Variants in SSBP3 observed in about 807,000 individuals in gnomAD.
SSBP3 encodes the protein single stranded DNA binding protein 3.
SSBP3 carries 5 observed loss-of-function variants against 69.6 expected under a neutral mutation model. That is an observed-to-expected ratio of 0.07 (90% CI 0.04 to 0.15). SSBP3 has a LOEUF of 0.15. Among genes scored for constraint, SSBP3 ranks in the 10% least tolerant of loss-of-function variants. SSBP3 has a pLI of 1.00. For synonymous variants in SSBP3, 196 were observed against 193.4 expected (o/e 1.01, Z -0.11); for missense variants, 312 against 534.0 (o/e 0.58, Z 4.10).
chr1:54,269,434 G>A (rs1014566514), intron 5 of SSBP3, among the ~76,000 whole-genome samples: 28 of 152,168 alleles, frequency 1.8e-4, no homozygotes, highest in African/African-American at 6.8e-4. Context: ...GGGACACTAT[G>A]GTCCAGGAAG....
chr1:54,377,013 A>G (rs1296631254), intron 4 of SSBP3, among the ~76,000 whole-genome samples: 3 of 152,218 alleles, frequency 2.0e-5, no homozygotes, highest in African/African-American at 7.2e-5. Context: ...AAGCTTTTCT[A>G]CAGAATGAGA....
chr1:54,317,532 CA>C (rs375615499), intron 4 of SSBP3, among the ~76,000 whole-genome samples: 2,675 of 123,536 alleles, frequency 0.022, 69 homozygotes, highest in African/African-American at 0.072. Flanking sequence ...GCGAGACTCT[CA>C]AAAAAAAAAA....
intron 5 of SSBP3, among the ~76,000 whole-genome samples, chr1:54,277,421 C>T (rs939603392): frequency 1.1e-4 from 17 of 152,176 alleles, no homozygotes; most frequent in African/African-American, 4.1e-4. Flanking sequence ...CCTGCTTCCG[C>T]CATCCAATCA....
chr1:54,234,669 G>A (rs1357166641), intron 14 of SSBP3, among the ~76,000 whole-genome samples: 3 of 151,962 alleles, frequency 2.0e-5, no homozygotes, highest in Non-Finnish European at 4.4e-5. Context: ...GTTTCTTTCT[G>A]CCCTAGGATA....
intron 4 of SSBP3, among the ~76,000 whole-genome samples, chr1:54,302,054 TGGGGGG>T (rs554889180): frequency 1.4e-5 from 2 of 144,618 alleles, no homozygotes; most frequent in African/African-American, 5.0e-5. Flanking sequence ...TGGGTGGGGG[TGGGGGG>T]GTACCCCCAT....
intron 5 of SSBP3, among the ~76,000 whole-genome samples, chr1:54,264,685 G>A (rs772797320): frequency 2.6e-5 from 4 of 152,204 alleles, no homozygotes; most frequent in Non-Finnish European, 5.9e-5. Context: ...CACGGGTCAC[G>A]AAAGCTGTGA....
upstream of SSBP3, among the ~76,000 whole-genome samples, chr1:54,406,913 A>G (rs1191911083): frequency 7.1e-6 from 1 of 141,782 alleles, no homozygotes; most frequent in Non-Finnish European, 1.5e-5. Flanking sequence ...TCCTCCCCCT[A>G]GGCTCCGACC....
At chr1:54,357,890 C>T (rs2100615811) in intron 4 of SSBP3, among the ~76,000 whole-genome samples, 1 of 152,312 alleles carries the variant, frequency 6.6e-6, no homozygotes, top group Non-Finnish European at 1.5e-5. Flanking sequence ...TTCCAGAGGA[C>T]CCATCAAAGG....
At chr1:54,312,942 G>T (rs1646029762) in intron 4 of SSBP3, among the ~76,000 whole-genome samples, 2 of 152,150 alleles carry the variant, frequency 1.3e-5, no homozygotes, top group South Asian at 4.1e-4. Context: ...AGGCCAGGAG[G>T]GGGTGGGATG....
intron 4 of SSBP3, among the ~76,000 whole-genome samples, chr1:54,315,548 C>G (rs1557523734): frequency 6.6e-6 from 1 of 151,624 alleles, no homozygotes; most frequent in East Asian, 1.9e-4. Context: ...GTTAGAGTAC[C>G]CATTTATCTA....
At chr1:54,357,940 T>C (rs536867019) in intron 4 of SSBP3, among the ~76,000 whole-genome samples, 1 of 152,110 alleles carries the variant, frequency 6.6e-6, no homozygotes, top group African/African-American at 2.4e-5. Flanking sequence ...AAACAGCACT[T>C]CCACACCTAC....
At chr1:54,262,411 A>G (rs1418797312) in intron 5 of SSBP3, among the ~76,000 whole-genome samples, 1 of 152,176 alleles carries the variant, frequency 6.6e-6, no homozygotes, top group Non-Finnish European at 1.5e-5. Context: ...GTCATCTGTC[A>G]GGGCAGAAAG....
chr1:54,227,235 C>T (rs1222650557), intron 17 of SSBP3, 75 bp from the exon 18 acceptor site: 1 of 871,264 alleles, frequency 1.1e-6, no homozygotes, highest in Non-Finnish European at 2.0e-6. Flanking sequence ...GTGCCAAGAG[C>T]CTGGGGTGAC....
intron 4 of SSBP3, among the ~76,000 whole-genome samples, chr1:54,369,168 G>A (rs902010214): frequency 1.4e-5 from 2 of 147,750 alleles, no homozygotes; most frequent in African/African-American, 5.1e-5. Flanking sequence ...AACTGCGACC[G>A]TTGATTTTCT....
chr1:54,401,542 T>C (rs940626070), intron 4 of SSBP3, among the ~76,000 whole-genome samples: 8 of 152,244 alleles, frequency 5.3e-5, no homozygotes, highest in Non-Finnish European at 1.2e-4. Context: ...TAAAGAGGCT[T>C]AGTCCCCTCT....
chr1:54,359,366 G>A lies in SSBP3; in HGVS notation c.276+42495C>T, dbSNP rs374293207. ...CATCACTGAAGGTAAAGCAGAGGCT[G>A]CAGAAGAAACCAGGGCCAGGGAGAC... On this transcript the variant is annotated intron_variant, in intron 4 of 17. Transcript: ENST00000610401. 3.3e-5 allele frequency among the ~76,000 whole-genome samples: 5 copies of A among 152,198 alleles called. No individual in the cohort carries two copies. The East Asian group carries it at 9.6e-4, about 29-fold the overall frequency.
intron 4 of SSBP3, among the ~76,000 whole-genome samples, chr1:54,320,825 A>C (rs1260701210): frequency 1.3e-5 from 2 of 152,216 alleles, no homozygotes; most frequent in East Asian, 3.8e-4. Context: ...CTTTCTCGGA[A>C]ACTGCAGCAA....
At chr1:54,251,527 G>T in intron 9 of SSBP3, 89 bp downstream of exon 9, 1 of 1,355,690 alleles carries the variant, frequency 7.4e-7, no homozygotes, top group Non-Finnish European at 1.0e-6. Flanking sequence ...ACTGAGAGAT[G>T]TGGGAGACTG....
chr1:54,262,778 C>CCACTG (rs909652125), intron 5 of SSBP3, among the ~76,000 whole-genome samples: 1 of 152,184 alleles, frequency 6.6e-6, no homozygotes, highest in Non-Finnish European at 1.5e-5. Flanking sequence ...AGAGCTCTTT[C>CCACTG]CACTGCACTG....
Sources: allele counts gnomAD v4.1 joint callset (sites outside exome capture counted in the v4.1 genomes callset), GRCh38; gene constraint gnomAD v4.1.1; transcripts MANE v1.5; gene names NCBI Gene and HGNC (gene_info 2026-07-23, HGNC 2026-07-21).